The following DIAPH2 variants were observed in gnomAD, a reference collection of about 807,000 sequenced individuals.
The protein encoded by DIAPH2 is diaphanous related formin 2.
In DIAPH2, 35 loss-of-function variants were observed where a neutral mutation model predicts 92.7. The ratio of observed to expected loss-of-function variants is 0.38; its 90% CI spans 0.29 to 0.50. The LOEUF is 0.50. Among genes scored for constraint, DIAPH2 ranks in the 20% least tolerant of loss-of-function variants. The pLI is 0.94. For synonymous variants in DIAPH2, 301 were observed against 280.4 expected, an observed-to-expected ratio of 1.07 and a Z score of -0.73; for missense variants, 701 against 819.5, an observed-to-expected ratio of 0.86 and a Z score of 1.77.
At chrX:96,958,263 G>T in intron 16 of DIAPH2, 115 bp downstream of exon 16, 1 of 823,529 alleles carries the variant, frequency 1.2e-6, no homozygotes, top group Non-Finnish European at 1.6e-6. Context: ...TTCCTTTGTG[G>T]GTTCATCATT....
chrX:97,193,127 C>T (rs943390616), intron 22 of DIAPH2, among the ~76,000 whole-genome samples: 2 of 107,168 alleles, frequency 1.9e-5, no homozygotes, highest in Non-Finnish European at 3.8e-5. Flanking sequence ...ATTCTCCCAC[C>T]TCAGCCTCCT....
At chrX:97,259,841 T>C (rs1377159237) in intron 23 of DIAPH2, among the ~76,000 whole-genome samples, 1 of 112,462 alleles carries the variant, frequency 8.9e-6, no homozygotes, top group Non-Finnish European at 1.9e-5. Flanking sequence ...TTTGTTTTGT[T>C]TTGTTTGAGA....
chrX:96,978,243 A>G (rs2065974123), intron 17 of DIAPH2, among the ~76,000 whole-genome samples: 1 of 111,834 alleles, frequency 8.9e-6, no homozygotes, highest in African/African-American at 3.2e-5. Flanking sequence ...CATTTAGTCA[A>G]TTAATCCTTG....
chrX:97,337,735 G>C (rs1329953782), intron 23 of DIAPH2, among the ~76,000 whole-genome samples: 1 of 111,083 alleles, frequency 9.0e-6, no homozygotes, highest in Non-Finnish European at 1.9e-5. Context: ...TGGAAGGTTT[G>C]CAGGGAGGCT....
Position 97,279,609 on chromosome X carries a change from A to T in DIAPH2, c.2844+31770A>T, listed in dbSNP as rs138371791. Among the ~76,000 whole-genome samples the T allele has an allele frequency of 9.8e-3, 1,089 of 111,208 alleles. 12 individuals carry two copies. Among genetic ancestry groups the T allele is most frequent in the African/African-American group, 0.034 (1,045 of 30,622 alleles). On this transcript the variant is annotated intron_variant, in intron 23 of 26. Transcript: ENST00000324765. ...TTTAATTTGAGCTTTGACTGCATAG[A>T]AAATGTCCATCCAGTCTCTGTTTCT... is the stretch of plus-strand genomic sequence containing the variant.
At chrX:97,445,769 C>T (rs1429986758) in intron 26 of DIAPH2, among the ~76,000 whole-genome samples, 1 of 110,526 alleles carries the variant, frequency 9.0e-6, no homozygotes, top group Non-Finnish European at 1.9e-5. Flanking sequence ...TGGTTTTCAC[C>T]TCCATTGCCC....
At chrX:97,247,616 A>AAACT in intron 22 of DIAPH2, 99 bp from the exon 23 acceptor site, 1 of 797,145 alleles carries the variant, frequency 1.3e-6, no homozygotes. Context: ...ACTATTTCCC[A>AAACT]CATTTAAAAA....
chrX:97,464,243 T>C (rs1303204355), intron 26 of DIAPH2, among the ~76,000 whole-genome samples: 1 of 86,400 alleles, frequency 1.2e-5, no homozygotes, highest in African/African-American at 4.7e-5. Flanking sequence ...GGCGGGCAGA[T>C]CACAAGGTCA....
chrX:96,921,499 G>A (rs1388735863), intron 9 of DIAPH2, among the ~76,000 whole-genome samples: 1 of 110,657 alleles, frequency 9.0e-6, no homozygotes, highest in Non-Finnish European at 1.9e-5. Context: ...ATCCATATTT[G>A]TTTTCTATGT....
At chrX:96,860,109 T>G (rs2065064672) in intron 4 of DIAPH2, among the ~76,000 whole-genome samples, 1 of 112,206 alleles carries the variant, frequency 8.9e-6, no homozygotes, top group South Asian at 3.7e-4. Context: ...AGATTAAAAG[T>G]AAACATTGAA....
At chrX:97,070,319 A>T (rs892049496) in intron 17 of DIAPH2, among the ~76,000 whole-genome samples, 2 of 111,662 alleles carry the variant, frequency 1.8e-5, no homozygotes, top group African/African-American at 6.5e-5. Context: ...ACTTAAAAAA[A>T]CTTTTTAGTT....
intron 24 of DIAPH2, among the ~76,000 whole-genome samples, chrX:97,380,501 C>T (rs2069542170): frequency 8.9e-6 from 1 of 111,766 alleles, no homozygotes; most frequent in Admixed American, 9.5e-5. Context: ...TTTGCTCCTA[C>T]TGCTTTTGTT....
At chrX:97,019,551 G>A (rs2066283428) in intron 17 of DIAPH2, among the ~76,000 whole-genome samples, 1 of 110,095 alleles carries the variant, frequency 9.1e-6, no homozygotes, top group African/African-American at 3.3e-5. Flanking sequence ...CCTAACCTGA[G>A]GCCAGTGCTA....
intron 17 of DIAPH2, among the ~76,000 whole-genome samples, chrX:97,007,761 C>CTTTT (rs1202951643): frequency 4.9e-5 from 4 of 80,995 alleles, no homozygotes; most frequent in African/African-American, 9.7e-5. Context: ...TTCTTTTTTT[C>CTTTT]TTTTTTTTTT....
At chrX:97,198,840 C>T (rs1356397092) in intron 22 of DIAPH2, among the ~76,000 whole-genome samples, 1 of 111,462 alleles carries the variant, frequency 9.0e-6, no homozygotes, top group East Asian at 2.8e-4. Flanking sequence ...TTGATATTTT[C>T]ATCCCTGTCA....
chrX:97,346,901 A>C (rs1326877921), intron 23 of DIAPH2, among the ~76,000 whole-genome samples: 2 of 110,707 alleles, frequency 1.8e-5, no homozygotes, highest in Admixed American at 1.9e-4. Flanking sequence ...GAAAAGGATT[A>C]GAAGATCAGA....
At chrX:96,814,894 G>A (rs6615869) in intron 4 of DIAPH2, among the ~76,000 whole-genome samples, 11,437 of 110,989 alleles carry the variant, frequency 0.1, 534 homozygotes, top group East Asian at 0.32. Flanking sequence ...CTGATCCTTC[G>A]TCTGGAAGCT....
At chrX:97,241,851 C>T (rs1036532183) in intron 22 of DIAPH2, among the ~76,000 whole-genome samples, 5 of 97,280 alleles carry the variant, frequency 5.1e-5, no homozygotes, top group African/African-American at 1.9e-4. Context: ...TCTAGGCTCA[C>T]TGCAACCTTT....
rs768795905 is a variant in DIAPH2, at chrX:97,339,255, G to T, written c.2845-8861G>T. ...GGGCTGGGTGCAGTGGCTCACTCCT[G>T]TAATCCCAGCACTGAGAGGCCTGGG... On this transcript the variant is annotated intron_variant, in intron 23 of 26. Coordinates refer to ENST00000324765, the MANE Select transcript of DIAPH2 (RefSeq NM_006729.5). 6.3e-5 allele frequency among the ~76,000 whole-genome samples: 7 copies of T among 111,210 alleles called. No individual in the cohort carries two copies. In the South Asian group the frequency reaches 2.7e-3, roughly 43 times the overall value.
Sources: allele counts gnomAD v4.1 joint callset (sites outside exome capture counted in the v4.1 genomes callset), GRCh38; gene constraint gnomAD v4.1.1; transcripts MANE v1.5; gene names NCBI Gene and HGNC (gene_info 2026-07-23, HGNC 2026-07-21).